Variants in ACTR3B observed in about 807,000 individuals in gnomAD.
ACTR3B encodes actin related protein 3B, also known as actin-related protein 3B.
A neutral mutation model predicts 59.0 loss-of-function variants in ACTR3B; 8 were observed. That is an observed-to-expected ratio of 0.14 (90% confidence interval 0.08 to 0.24). The LOEUF (loss-of-function observed/expected upper bound fraction) is 0.24. ACTR3B is among the 10% of genes least tolerant of loss of function. The pLI, the probability that ACTR3B is intolerant of heterozygous loss-of-function variation, is 1.00. For missense variants in ACTR3B, 245 were observed against 552.3 expected, an observed-to-expected ratio of 0.44 and a Z score of 5.58; for synonymous variants, 148 against 197.9, an observed-to-expected ratio of 0.75 and a Z score of 2.12.
intron 7 of ACTR3B, among the ~76,000 whole-genome samples, chr7:152,821,838 C>G (rs1375731706): frequency 6.6e-6 from 1 of 152,172 alleles, no homozygotes; most frequent in African/African-American, 2.4e-5. Context: ...TAGAGCTCCC[C>G]CCGCTTCCCC....
At chr7:152,765,967 A>G (rs1426478626) in intron 1 of ACTR3B, among the ~76,000 whole-genome samples, 4 of 151,816 alleles carry the variant, frequency 2.6e-5, no homozygotes, top group African/African-American at 4.8e-5. Context: ...ACCCACTTTC[A>G]TGATTATGAT....
At chr7:152,837,157 C>T (rs1350119592) in intron 9 of ACTR3B, among the ~76,000 whole-genome samples, 1 of 151,920 alleles carries the variant, frequency 6.6e-6, no homozygotes, top group East Asian at 1.9e-4. Context: ...GCCTGGGTGA[C>T]AGAGTGAGAC....
At chr7:152,813,591 G>A (rs1316209664) in intron 4 of ACTR3B, 2 of 152,174 alleles carry the variant, frequency 1.3e-5, no homozygotes, top group East Asian at 3.9e-4. Flanking sequence ...GGAGTGCAGT[G>A]GCACAATCTT....
rs1229765819 is a variant in ACTR3B, at chr7:152,824,582, G to C, written c.859-448G>C. Among the ~76,000 whole-genome samples the C allele has an allele frequency of 6.6e-6, 1 of 152,130 alleles. No homozygotes were observed. The highest frequency in any genetic ancestry group is 1.9e-4 in the East Asian group (1 of 5,200). On this transcript the variant is annotated intron_variant, in intron 8 of 11. Coordinates refer to ENST00000256001, the MANE Select transcript of ACTR3B (RefSeq NM_020445.6). The surrounding 1 kb of genome is among the most constrained non-coding windows in gnomAD (Gnocchi z 4.2). ...TTCTCATTAAACAAAACACTTCCCT[G>C]CATCTTCTAGACCAGGTTTAATTAA...
intron 9 of ACTR3B, among the ~76,000 whole-genome samples, chr7:152,831,488 G>C (rs1334804867): frequency 2.6e-5 from 4 of 152,222 alleles, no homozygotes; most frequent in Non-Finnish European, 5.9e-5. Flanking sequence ...GCTGCCCAGG[G>C]TGGCCACTGA....
At chr7:152,782,498 CTT>C (rs1339008434) in intron 1 of ACTR3B, among the ~76,000 whole-genome samples, 2 of 151,656 alleles carry the variant, frequency 1.3e-5, no homozygotes, top group African/African-American at 4.8e-5. Flanking sequence ...TTAGTTAAGA[CTT>C]TTGGAATCTA....
chr7:152,844,989 A>T (rs1016670649), intron 9 of ACTR3B, among the ~76,000 whole-genome samples: 1 of 148,080 alleles, frequency 6.8e-6, no homozygotes, highest in Non-Finnish European at 1.5e-5. Context: ...AATTAGTACA[A>T]CCGGTGAGCT....
intron 9 of ACTR3B, among the ~76,000 whole-genome samples, chr7:152,851,401 G>C (rs1798792135): frequency 6.6e-6 from 1 of 152,226 alleles, no homozygotes; most frequent in African/African-American, 2.4e-5. Context: ...CATCAGAAGA[G>C]GACCAGCTGC....
intron 2 of ACTR3B, among the ~76,000 whole-genome samples, chr7:152,799,642 G>A (rs189237184): frequency 1.3e-5 from 2 of 152,358 alleles, no homozygotes; most frequent in East Asian, 3.9e-4. Context: ...CCAGAAAAAT[G>A]CCTTAATGCA....
chr7:152,843,103 C>T (rs1045558600), intron 9 of ACTR3B, among the ~76,000 whole-genome samples: 1 of 151,866 alleles, frequency 6.6e-6, no homozygotes, highest in African/African-American at 2.4e-5. Flanking sequence ...AATTCTTTGT[C>T]AGATTTATGT....
intron 9 of ACTR3B, among the ~76,000 whole-genome samples, chr7:152,832,638 A>AGATGTG (rs1797120095): frequency 6.6e-6 from 1 of 152,186 alleles, no homozygotes; most frequent in Admixed American, 6.5e-5. Context: ...CTGGAATTAC[A>AGATGTG]GATGTGAGCC....
At chr7:152,789,742 G>A (rs1260119562) in intron 2 of ACTR3B, among the ~76,000 whole-genome samples, 1 of 151,988 alleles carries the variant, frequency 6.6e-6, no homozygotes, top group African/African-American at 2.4e-5. Flanking sequence ...ATAGTGATCA[G>A]AACTGCAGAC....
intron 9 of ACTR3B, among the ~76,000 whole-genome samples, chr7:152,847,350 C>G (rs180980850): frequency 6.6e-6 from 1 of 152,334 alleles, no homozygotes; most frequent in East Asian, 1.9e-4. Context: ...TGCTGCCCAT[C>G]ACAGGGATGT....
chr7:152,820,572 T>G, intron 7 of ACTR3B, 130 bp downstream of exon 7: 1 of 1,449,924 alleles, frequency 6.9e-7, no homozygotes, highest in South Asian at 1.4e-5. Context: ...GGGCTTGATT[T>G]GTTTTACCCC....
chr7:152,815,709 A>G (rs1795638789), intron 5 of ACTR3B, among the ~76,000 whole-genome samples: 2 of 152,058 alleles, frequency 1.3e-5, no homozygotes, highest in East Asian at 3.9e-4. Flanking sequence ...ATATTGTCAG[A>G]TGTTCCCTTT....
chr7:152,831,068 T>C (rs974883717), intron 9 of ACTR3B, among the ~76,000 whole-genome samples: 1 of 152,218 alleles, frequency 6.6e-6, no homozygotes, highest in African/African-American at 2.4e-5. Context: ...CTCTGCTCTT[T>C]TAGCCCCAGT....
At position 152,847,348 on chromosome 7, in the gene ACTR3B, A is replaced by G. The variant is rs570264895; in HGVS notation, c.952-4778A>G. On this transcript the variant is annotated intron_variant, in intron 9 of 11. Coordinates refer to ENST00000256001, the MANE Select transcript of ACTR3B (RefSeq NM_020445.6). ...GAATGCAGTGGGATGTTTGCTGCCC[A>G]TCACAGGGATGTTTAGGCTGTTGAA... 2.0e-5 allele frequency among the ~76,000 whole-genome samples: 3 copies of G among 152,332 alleles called. No individual in the cohort carries two copies. The East Asian group carries it at 5.8e-4, about 29-fold the overall frequency.
chr7:152,801,526 AT>A, intron 3 of ACTR3B, 94 bp from the exon 4 acceptor site: 1 of 1,534,996 alleles, frequency 6.5e-7, no homozygotes, highest in Non-Finnish European at 8.8e-7. Context: ...GGATACCTTT[AT>A]TCTTAATAAC....
chr7:152,820,295 C>T lies in ACTR3B; in HGVS notation c.541-4C>T, dbSNP rs995611906. The T allele has an allele frequency of 1.3e-6, 2 of 1,577,648 alleles. No individual in the cohort carries two copies. The highest frequency in any genetic ancestry group is 2.7e-5 in the African/African-American group (2 of 74,566). On this transcript the variant is annotated splice_region_variant and splice_polypyrimidine_tract_variant and intron_variant, in intron 6 of 11. Coordinates refer to ENST00000256001, the MANE Select transcript of ACTR3B (RefSeq NM_020445.6). ...CAGCTGTTCTGCCTCCTCTTCTTCC[C>T]TAGGCAGAAGGTTATGTAATTGGAA...
Sources: gnomAD v4.1 joint callset for allele counts (sites outside exome capture counted in the v4.1 genomes callset) on GRCh38, gnomAD v4.1.1 for gene constraint, Gnocchi (gnomAD v3.1) non-coding constraint, MANE v1.5 for transcripts, NCBI Gene and HGNC (gene_info 2026-07-23, HGNC 2026-07-21) for gene names.